The following TSHZ2 variants were observed in gnomAD, a reference collection of about 807,000 sequenced individuals.
The protein encoded by TSHZ2 is teashirt homolog 2.
A neutral mutation model predicts 74.4 loss-of-function variants in TSHZ2; 21 were observed. The observed-to-expected ratio is 0.28, with a 90% CI of 0.20 to 0.41. The LOEUF (loss-of-function observed/expected upper bound fraction) is 0.41, where lower values mean the gene tolerates loss of function less well. Among genes scored for constraint, TSHZ2 ranks in the 10% least tolerant of loss-of-function variants. TSHZ2 has a pLI of 1.00. For missense variants in TSHZ2, 1,244 were observed against 1,293.5 expected, an observed-to-expected ratio of 0.96 and a Z score of 0.59; for synonymous variants, 540 against 515.3, an observed-to-expected ratio of 1.05 and a Z score of -0.65.
rs1990488349 is a variant in TSHZ2, at chr20:53,256,529, A to G, written c.3071A>G (p.His1024Arg). 1 of 1,604,892 alleles carries G rather than the reference A, an allele frequency of 6.2e-7. No homozygotes were observed. Among genetic ancestry groups the G allele is most frequent in the South Asian group, 1.1e-5 (1 of 89,774 alleles). ...SKTHSKSPEHHSQFVTDVDEE is the reference protein window; with the variant it reads ...SKTHSKSPEHRSQFVTDVDEE ...ACGCACAGCAAGTCACCCGAACACCATTCACAGTTTGTAACAGACGTGGAT... is the reference window on the plus strand; with the variant it reads ...ACGCACAGCAAGTCACCCGAACACCGTTCACAGTTTGTAACAGACGTGGAT... Residue 1024 changes from histidine to arginine, a missense_variant, in exon 2 of 3, where the codon CAT becomes CGT. His to Arg is a conservative substitution (Grantham distance 29). Around this residue, in one of 6 missense-constraint regions of TSHZ2, gnomAD observed 185 missense variants for 213.3 expected, o/e 0.87. Transcript: ENST00000371497. This position sits in a 1 kb window ranked among gnomAD's most constrained non-coding sequence, Gnocchi z 4.3.
intron 2 of TSHZ2, among the ~76,000 whole-genome samples, chr20:53,402,218 TG>T (rs2145681571): frequency 6.6e-6 from 1 of 152,314 alleles, no homozygotes; most frequent in South Asian, 2.1e-4. Flanking sequence ...TCCCCTGTAG[TG>T]GGAGTGCTGG....
chr20:53,490,426 G>A lies in TSHZ2; in HGVS notation c.*3291G>A, dbSNP rs1169956877. 6.6e-6 allele frequency: 1 copy of A among 152,190 alleles called. No individual in the cohort carries two copies. Among genetic ancestry groups the A allele is most frequent in the African/African-American group, 2.4e-5 (1 of 41,450 alleles). The allele number at this position is 152,190 out of a possible 1,614,324, so 9.4% of individuals were successfully genotyped here. On this transcript the variant is annotated 3_prime_UTR_variant, in exon 3 of 3. Transcript: ENST00000371497. ...TGTTTTACAACAGCTCCTAAAGATA[G>A]CTGATATCAAGACATTTGAGGGACA...
chr20:53,241,279 A>C (rs1990063184), intron 1 of TSHZ2, among the ~76,000 whole-genome samples: 1 of 152,276 alleles, frequency 6.6e-6, no homozygotes, highest in Non-Finnish European at 1.5e-5. Flanking sequence ...GTCTTTTCCA[A>C]GTACTGCTTC....
chr20:53,150,148 A>G (rs1046511731), intron 1 of TSHZ2, among the ~76,000 whole-genome samples: 2 of 152,214 alleles, frequency 1.3e-5, no homozygotes, highest in Admixed American at 6.5e-5. Context: ...TCATTGAAGC[A>G]CAGAGAGGTT....
intron 1 of TSHZ2, among the ~76,000 whole-genome samples, chr20:53,014,153 G>C (rs186464040): frequency 7.9e-5 from 12 of 151,986 alleles, no homozygotes; most frequent in Non-Finnish European, 1.2e-4. Context: ...TCTGGTAAAG[G>C]GTTTTTTTCT....
chr20:53,379,437 AAATT>A (rs1376799692), intron 2 of TSHZ2, among the ~76,000 whole-genome samples: 1 of 152,212 alleles, frequency 6.6e-6, no homozygotes, highest in Non-Finnish European at 1.5e-5. Flanking sequence ...ATGAGTGGAT[AAATT>A]AATTAAGTTG....
chr20:53,302,154 A>G (rs980166804), intron 2 of TSHZ2, among the ~76,000 whole-genome samples: 1 of 152,118 alleles, frequency 6.6e-6, no homozygotes, highest in Non-Finnish European at 1.5e-5. Flanking sequence ...TCCGCTTGAT[A>G]TGAGTGAGGA....
At position 53,115,534 on chromosome 20, in the gene TSHZ2, C is replaced by T. The variant is rs555760867; in HGVS notation, c.41-137965C>T. 3.9e-4 allele frequency among the ~76,000 whole-genome samples: 60 copies of T among 152,302 alleles called. 1 individual carries two copies. The South Asian group carries it at 0.012, about 30-fold the overall frequency. ...CCATGTGGAACTGTGAGTCCGTTAA[C>T]CCTCTTTCCTTTATAAATTACCCAG... On this transcript the variant is annotated intron_variant, in intron 1 of 2. Coordinates refer to ENST00000371497, the MANE Select transcript of TSHZ2 (RefSeq NM_173485.6).
At chr20:53,396,339 T>A (rs1260050255) in intron 2 of TSHZ2, among the ~76,000 whole-genome samples, 1 of 152,222 alleles carries the variant, frequency 6.6e-6, no homozygotes, top group Non-Finnish European at 1.5e-5. Flanking sequence ...ACATATACCA[T>A]GTAGTTTATT....
At chr20:53,079,499 C>T (rs889809242) in intron 1 of TSHZ2, among the ~76,000 whole-genome samples, 1 of 152,144 alleles carries the variant, frequency 6.6e-6, no homozygotes, top group African/African-American at 2.4e-5. Flanking sequence ...GCTACAGAGA[C>T]AGAATAATCC....
intron 1 of TSHZ2, among the ~76,000 whole-genome samples, chr20:53,004,680 A>G (rs1982574265): frequency 6.6e-6 from 1 of 152,340 alleles, no homozygotes; most frequent in South Asian, 2.1e-4. Context: ...TGCACACAAA[A>G]GAAATGTGTG....
At chr20:53,005,042 G>C (rs1348456081) in intron 1 of TSHZ2, among the ~76,000 whole-genome samples, 3 of 152,170 alleles carry the variant, frequency 2.0e-5, no homozygotes, top group Non-Finnish European at 4.4e-5. Context: ...GCCGGGCCTG[G>C]TGGCTCACAC....
At chr20:53,083,044 T>C (rs1428847658) in intron 1 of TSHZ2, among the ~76,000 whole-genome samples, 1 of 152,228 alleles carries the variant, frequency 6.6e-6, no homozygotes, top group East Asian at 1.9e-4. Context: ...CAGCTCTGTC[T>C]TTGGCTGACA....
chr20:53,086,251 G>C (rs563324046), intron 1 of TSHZ2, among the ~76,000 whole-genome samples: 5 of 152,200 alleles, frequency 3.3e-5, no homozygotes, highest in Non-Finnish European at 7.3e-5. Flanking sequence ...GCAAAGGTGG[G>C]GTTGAGTGGG....
chr20:53,370,350 T>C (rs1427528471), intron 2 of TSHZ2, among the ~76,000 whole-genome samples: 1 of 152,142 alleles, frequency 6.6e-6, no homozygotes, highest in Non-Finnish European at 1.5e-5. Context: ...CTGCTCAGTT[T>C]CTCCGTGGAA....
chr20:53,051,290 G>A (rs534065937), intron 1 of TSHZ2, among the ~76,000 whole-genome samples: 67 of 152,294 alleles, frequency 4.4e-4, no homozygotes, highest in African/African-American at 1.6e-3. Flanking sequence ...AGTGAGCTGA[G>A]ATTTTGCCAC....
At chr20:53,218,034 C>T (rs1320418416) in intron 1 of TSHZ2, among the ~76,000 whole-genome samples, 4 of 152,172 alleles carry the variant, frequency 2.6e-5, no homozygotes, top group African/African-American at 9.7e-5. Flanking sequence ...AGCCCAACAC[C>T]CTCCTTTTTA....
intron 1 of TSHZ2, among the ~76,000 whole-genome samples, chr20:53,039,515 GC>G (rs745489882): frequency 2.6e-4 from 40 of 152,150 alleles, no homozygotes; most frequent in Non-Finnish European, 4.3e-4. Flanking sequence ...TGGGGATACA[GC>G]AGTGAACAAA....
chr20:53,242,492 C>T (rs944374759), intron 1 of TSHZ2, among the ~76,000 whole-genome samples: 3 of 152,046 alleles, frequency 2.0e-5, no homozygotes, highest in African/African-American at 7.2e-5. Flanking sequence ...GTTCTTGGTC[C>T]ACCTCATGTC....
Sources: gnomAD v4.1 joint callset for allele counts (sites outside exome capture counted in the v4.1 genomes callset) on GRCh38, gnomAD v4.1.1 for gene constraint, gnomAD v4.1.1 regional missense constraint, Gnocchi (gnomAD v3.1) non-coding constraint, MANE v1.5 for transcripts, NCBI Gene and HGNC (gene_info 2026-07-23, HGNC 2026-07-21) for gene names.